POR: variants seen among roughly 807,000 people sequenced by gnomAD.
The protein encoded by POR is cytochrome p450 oxidoreductase, also known as NADPH--cytochrome P450 reductase.
POR carries 56 observed loss-of-function variants against 84.0 expected under a neutral mutation model. That is an observed-to-expected ratio of 0.67 (90% CI 0.54 to 0.83). The LOEUF is 0.83. Among genes scored for constraint, POR ranks in the 40% least tolerant of loss-of-function variants. POR has a pLI of 0.00. For synonymous variants in POR, 414 were observed against 400.5 expected, an observed-to-expected ratio of 1.03 and a Z score of -0.40; for missense variants, 938 against 944.3, an observed-to-expected ratio of 0.99 and a Z score of 0.09.
At position 75,985,790 on chromosome 7, in the gene POR, G is replaced by T. The variant is rs782157865; in HGVS notation, c.1610G>T (p.Gly537Val). ...ACGCCTGTCATCATGGTGGGCCCCG[G>T]CACCGGGGTGGCACCCTTCATAGGC... Residue 537 changes from glycine to valine, a missense_variant, in exon 13 of 16, where the codon GGC becomes GTC. Coordinates refer to ENST00000461988, the MANE Select transcript of POR (RefSeq NM_000941.3). 1 of 1,569,154 alleles carries T rather than the reference G, an allele frequency of 6.4e-7. No individual in the cohort carries two copies. Among genetic ancestry groups the T allele is most frequent in the South Asian group, 1.2e-5 (1 of 85,334 alleles).
intron 1 of POR, among the ~76,000 whole-genome samples, chr7:75,917,254 A>G (rs782753792): frequency 2.0e-5 from 3 of 151,644 alleles, no homozygotes; most frequent in Non-Finnish European, 4.4e-5. Flanking sequence ...TGTTTTTTAG[A>G]GATTTGGTTT....
chr7:75,972,375 C>T lies in POR; in HGVS notation c.189-38C>T, dbSNP rs41299469. The stretch of plus-strand genomic sequence containing the variant: ...CCCGTGACACCTGTGTCCCATGACA[C>T]CTGCCTCCCACGCTCATTGCACACT... On this transcript the variant is annotated intron_variant, in intron 2 of 15. Coordinates refer to ENST00000461988, the MANE Select transcript of POR (RefSeq NM_000941.3). The T allele has an allele frequency of 4.4e-6, 7 of 1,587,778 alleles. No individual in the cohort carries two copies. In the South Asian group the frequency reaches 5.7e-5, roughly 13 times the overall value.
At chr7:75,934,319 T>A (rs915856705) in intron 1 of POR, among the ~76,000 whole-genome samples, 1 of 151,848 alleles carries the variant, frequency 6.6e-6, no homozygotes. Flanking sequence ...GGCAACAGAG[T>A]GAACAACAAC....
intron 1 of POR, among the ~76,000 whole-genome samples, chr7:75,936,091 T>C (rs77496955): frequency 3.0e-5 from 4 of 135,450 alleles, no homozygotes; most frequent in Admixed American, 7.4e-5. Context: ...TCTTTCTTTT[T>C]TTTTTTTTTT....
intron 1 of POR, among the ~76,000 whole-genome samples, chr7:75,951,985 C>T (rs1319002924): frequency 2.0e-5 from 3 of 150,402 alleles, no homozygotes; most frequent in South Asian, 2.1e-4. Flanking sequence ...ACCTCCCTCC[C>T]GGACGGGGCG....
Position 75,986,412 on chromosome 7 carries a change from C to G in POR, c.1974C>G (p.His658Gln), listed in dbSNP as rs782143954. 1.2e-6 allele frequency: 2 copies of G among 1,612,558 alleles called. No homozygotes were observed. The highest frequency in any genetic ancestry group is 1.7e-6 in the Non-Finnish European group (2 of 1,179,862). The change falls in exon 16 of 16, where the codon CAC becomes CAG. Residue 658 changes from histidine (H) to glutamine (Q), a missense_variant. Coordinates refer to ENST00000461988, the MANE Select transcript of POR (RefSeq NM_000941.3). ...TGGCTGAGCTCGGGGCCATGGAGCA[C>G]GCGCAGGCGGTGGACTACATCAAGA...
At chr7:75,948,812 GT>G (rs1342785253) in intron 1 of POR, among the ~76,000 whole-genome samples, 1 of 152,182 alleles carries the variant, frequency 6.6e-6, no homozygotes, top group Non-Finnish European at 1.5e-5. Flanking sequence ...AGAGCCAGTG[GT>G]GGGGTAATGT....
chr7:75,983,180 A>C, intron 8 of POR: 1 of 229,066 alleles, frequency 4.4e-6, no homozygotes, highest in Admixed American at 5.2e-5. Context: ...GTCTCTAGTA[A>C]AAATATAAAA....
intron 1 of POR, among the ~76,000 whole-genome samples, chr7:75,939,335 A>G (rs1325378955): frequency 2.0e-5 from 3 of 152,174 alleles, no homozygotes; most frequent in African/African-American, 7.2e-5. Flanking sequence ...TTTGGGCCTC[A>G]CAGGCCAGCG....
intron 2 of POR, among the ~76,000 whole-genome samples, chr7:75,972,207 G>A (rs904187313): frequency 6.6e-6 from 1 of 152,156 alleles, no homozygotes; most frequent in Non-Finnish European, 1.5e-5. Flanking sequence ...GTGAGCTGGT[G>A]CGGGAGGCCT....
Position 75,985,999 on chromosome 7 carries a change from G to A in POR, c.1746G>A (p.Leu582=). 1 of 1,572,378 alleles carries A rather than the reference G, an allele frequency of 6.4e-7. No individual in the cohort carries two copies. Residue 582 remains leucine (L), a synonymous_variant, in exon 14 of 16, where the codon CTG becomes CTA. Coordinates refer to ENST00000461988, the MANE Select transcript of POR (RefSeq NM_000941.3). The stretch of plus-strand genomic sequence containing the variant: ...AGGACTACCTGTACCGGGAGGAGCT[G>A]GCGCAGTTCCACAGGGACGGTGCGC...
At chr7:75,958,987 A>G (rs1422021889) in intron 2 of POR, among the ~76,000 whole-genome samples, 6 of 152,236 alleles carry the variant, frequency 3.9e-5, no homozygotes, top group African/African-American at 1.4e-4. Flanking sequence ...GAAATGCTCC[A>G]ATGATTCTTC....
rs72557906 is a variant in POR at position 75,981,562 on chromosome 7, C to T, written c.687C>T (p.Ala229=). 5.4e-4 allele frequency: 876 copies of T among 1,613,040 alleles called. 3 individuals are homozygous for T. The highest frequency in any genetic ancestry group is 3.5e-3 in the Middle Eastern group (21 of 6,056). Residue 229 remains alanine (A), a synonymous_variant, in exon 7 of 16, where the codon GCC becomes GCT. Coordinates refer to ENST00000461988, the MANE Select transcript of POR (RefSeq NM_000941.3). ...CCTGGCGAGAGCAGTTCTGGCCGGC[C>T]GTGTGTGAACACTTTGGGGTGGAAG...
At chr7:75,960,027 C>T (rs1554554261) in intron 2 of POR, among the ~76,000 whole-genome samples, 1 of 152,048 alleles carries the variant, frequency 6.6e-6, no homozygotes, top group African/African-American at 2.4e-5. Context: ...TGGTGGCTCA[C>T]GCCTGGAATC....
chr7:75,980,772 T>C lies in POR; in HGVS notation c.517-276T>C, dbSNP rs556932677. 517 of 1,416,644 alleles carry C rather than the reference T, an allele frequency of 3.6e-4. 1 individual carries two copies. The highest frequency in any genetic ancestry group is 4.7e-4 in the Non-Finnish European group (501 of 1,068,720). 87.8% of individuals were successfully genotyped at this position (1,416,644 alleles called of 1,614,324 possible). A position where few individuals can be genotyped will look rare whatever the true frequency, so the allele number is the denominator to read the frequency against. ...TGAGACCTGCCTGGCCTCGGAGAGCTGGAGCCCCAGCCCGGTGGGGAGGGT... is the reference window on the plus strand; with the variant it reads ...TGAGACCTGCCTGGCCTCGGAGAGCCGGAGCCCCAGCCCGGTGGGGAGGGT... On this transcript the variant is annotated intron_variant, in intron 5 of 15. Transcript: ENST00000461988.
At chr7:75,985,002 C>T (rs782290395) in intron 11 of POR, 44 bp downstream of exon 11, 28 of 1,578,292 alleles carry the variant, frequency 1.8e-5, no homozygotes, top group African/African-American at 1.2e-4. Flanking sequence ...GTCACCCCGC[C>T]GTTTTCCGAG....
rs187618315 is a variant in POR at position 75,971,489 on chromosome 7, C to T, written c.189-924C>T. ...CAAGGGTCAGAAGGAAACAGAAGAA[C>T]GGAAAATGGGGCGGGGTGAGGGGTG... On this transcript the variant is annotated intron_variant, in intron 2 of 15. Coordinates refer to ENST00000461988, the MANE Select transcript of POR (RefSeq NM_000941.3). Among the ~76,000 whole-genome samples, 615 of 151,726 alleles carry T rather than the reference C, an allele frequency of 4.1e-3. 3 individuals are homozygous for T. The highest frequency in any genetic ancestry group is 0.013 in the African/African-American group (533 of 41,340).
At chr7:75,985,017 G>A (rs1370120675) in intron 11 of POR, 41 bp from the exon 12 acceptor site, 9 of 1,580,650 alleles carry the variant, frequency 5.7e-6, no homozygotes, top group East Asian at 2.3e-5. Context: ...TCCGAGCTCC[G>A]TGGGCCCCAA....
intron 1 of POR, among the ~76,000 whole-genome samples, chr7:75,933,074 C>CTGGTAGAATTTCATTCAT (rs1807495883): frequency 6.7e-6 from 1 of 148,578 alleles, no homozygotes; most frequent in Non-Finnish European, 1.5e-5. Context: ...ATGTAAAAAA[C>CTGGTAGAATTTCATTCAT]TGGTAGAATG....
Sources: gnomAD v4.1 joint callset for allele counts (sites outside exome capture counted in the v4.1 genomes callset) on GRCh38, gnomAD v4.1.1 for gene constraint, MANE v1.5 for transcripts, NCBI Gene and HGNC (gene_info 2026-07-23, HGNC 2026-07-21) for gene names.